The following ASXL2 variants were observed in gnomAD, a reference collection of about 807,000 sequenced individuals.
ASXL2 encodes the protein putative Polycomb group protein ASXL2.
Under a neutral mutation model 122.0 loss-of-function variants are expected in ASXL2, and 23 were observed. That is an observed-to-expected ratio of 0.19 (90% CI 0.14 to 0.27). The LOEUF (loss-of-function observed/expected upper bound fraction) is 0.27, where lower values mean the gene tolerates loss of function less well. Ranked by LOEUF, ASXL2 falls within the 10% of genes least tolerant of loss-of-function variation. The probability of loss-of-function intolerance (pLI) is 1.00; values close to 1 mark genes in which losing one functional copy is unlikely to be tolerated. For synonymous variants in ASXL2, 650 were observed against 637.0 expected (o/e 1.02, Z -0.31); for missense variants, 1,518 against 1,713.8 (o/e 0.89, Z 2.02).
intron 8 of ASXL2, among the ~76,000 whole-genome samples, chr2:25,764,456 C>CA (rs942334509): frequency 6.6e-5 from 10 of 151,730 alleles, no homozygotes; most frequent in East Asian, 1.9e-4. Flanking sequence ...TAAAAATCAC[C>CA]AAAAAAAATC....
At chr2:25,859,781 G>A (rs1036957375) in intron 1 of ASXL2, among the ~76,000 whole-genome samples, 10 of 152,190 alleles carry the variant, frequency 6.6e-5, no homozygotes, top group Non-Finnish European at 1.5e-4. Context: ...TCAGACTACA[G>A]TGGAATTTAA....
At chr2:25,757,674 CAAAAAAAAAAA>C (rs60732948) in intron 9 of ASXL2, among the ~76,000 whole-genome samples, 2 of 35,818 alleles carry the variant, frequency 5.6e-5, no homozygotes, top group African/African-American at 2.5e-4. Context: ...GACTCCATCT[CAAAAAAAAAAA>C]AAAAAAAAAA....
intron 1 of ASXL2, among the ~76,000 whole-genome samples, chr2:25,863,312 G>C (rs982696074): frequency 6.5e-5 from 9 of 138,256 alleles, no homozygotes; most frequent in Non-Finnish European, 1.1e-4. Flanking sequence ...CCTGGCAACA[G>C]AGCGAGACTC....
At chr2:25,783,267 C>T (rs1332207002) in intron 5 of ASXL2, among the ~76,000 whole-genome samples, 1 of 152,074 alleles carries the variant, frequency 6.6e-6, no homozygotes, top group Non-Finnish European at 1.5e-5. Flanking sequence ...TCTATCTCTA[C>T]TGGGTTCAAT....
At chr2:25,858,406 G>A (rs982869061) in intron 1 of ASXL2, among the ~76,000 whole-genome samples, 2 of 149,726 alleles carry the variant, frequency 1.3e-5, no homozygotes, top group African/African-American at 4.9e-5. Flanking sequence ...CATCTCCATT[G>A]TGTCTACATT....
chr2:25,807,795 T>C (rs74496757), intron 3 of ASXL2, among the ~76,000 whole-genome samples: 3,189 of 152,156 alleles, frequency 0.021, 125 homozygotes, highest in African/African-American at 0.07. Flanking sequence ...ATGTTTAGTA[T>C]GAAAAACATG....
intron 2 of ASXL2, among the ~76,000 whole-genome samples, chr2:25,842,074 T>C (rs747665336): frequency 1.4e-5 from 2 of 147,638 alleles, no homozygotes; most frequent in African/African-American, 2.5e-5. Context: ...ATCGCGCCAC[T>C]GCACTCCAGC....
rs1023642350 is a variant in ASXL2 at position 25,741,975 on chromosome 2, A to G, written c.*54T>C. On this transcript the variant is annotated 3_prime_UTR_variant, in exon 13 of 13. Coordinates refer to ENST00000435504, the MANE Select transcript of ASXL2 (RefSeq NM_018263.6). ...ATTCCAAAAGGACGCAAAAAACCCAACTGGTCAACCCTTCCCTTCCCCCTC... is the reference window on the plus strand; with the variant it reads ...ATTCCAAAAGGACGCAAAAAACCCAGCTGGTCAACCCTTCCCTTCCCCCTC... 6 of 1,523,486 alleles carry G rather than the reference A, an allele frequency of 3.9e-6. No individual in the cohort carries two copies. The East Asian group carries it at 6.8e-5, about 17-fold the overall frequency. The allele number at this position is 1,523,486 out of a possible 1,614,324, so 94.4% of individuals were successfully genotyped here.
intron 4 of ASXL2, among the ~76,000 whole-genome samples, chr2:25,804,594 A>G (rs2089052012): frequency 6.6e-6 from 1 of 152,196 alleles, no homozygotes; most frequent in Admixed American, 6.5e-5. Flanking sequence ...AACCCTGATG[A>G]TGTCAACTGA....
rs932174196 is a variant in ASXL2, at chr2:25,767,652, C to A, written c.706G>T (p.Val236Phe). ...CCTAGTAAAGTATTTTCCACTTTAA[C>A]TGAGGAAGAAAAGCTGGAGTTTGAG... ...QNSNSSFSSSVKVENTLLGLG... is the reference protein window; with the variant it reads ...QNSNSSFSSSFKVENTLLGLG... The change falls in exon 8 of 13, where the codon GTT becomes TTT. Residue 236 changes from valine (V) to phenylalanine (F), a missense_variant. By Grantham distance (50) the Val-to-Phe change is conservative. Around this residue, in one of 8 missense-constraint regions of ASXL2, gnomAD observed 198 missense variants for 209.0 expected, o/e 0.95. Coordinates refer to ENST00000435504, the MANE Select transcript of ASXL2 (RefSeq NM_018263.6). 1.2e-6 allele frequency: 2 copies of A among 1,613,912 alleles called. No individual in the cohort carries two copies. The highest frequency in any genetic ancestry group is 3.3e-5 in the Admixed American group (2 of 60,010).
intron 5 of ASXL2, among the ~76,000 whole-genome samples, chr2:25,775,781 AC>A (rs942187641): frequency 2.0e-5 from 3 of 151,934 alleles, no homozygotes; most frequent in Admixed American, 6.6e-5. Flanking sequence ...AACCTAATAC[AC>A]CCTCTCTCAG....
intron 12 of ASXL2, among the ~76,000 whole-genome samples, chr2:25,747,667 T>C (rs1039883752): frequency 2.0e-5 from 3 of 152,210 alleles, no homozygotes; most frequent in Non-Finnish European, 4.4e-5. Flanking sequence ...GCAACATTTA[T>C]AGCAAAACCT....
At chr2:25,869,300 A>C (rs942211623) in intron 1 of ASXL2, among the ~76,000 whole-genome samples, 10 of 152,150 alleles carry the variant, frequency 6.6e-5, no homozygotes, top group African/African-American at 2.4e-4. Flanking sequence ...ACTGTACTCC[A>C]GCCTGGGCAA....
chr2:25,811,420 GA>G (rs1356251588), intron 3 of ASXL2, among the ~76,000 whole-genome samples: 1 of 151,636 alleles, frequency 6.6e-6, no homozygotes, highest in East Asian at 1.9e-4. Flanking sequence ...CAAAACTACA[GA>G]AAATATATGA....
At position 25,737,366 on chromosome 2, in the gene ASXL2, G is replaced by C. The variant is rs183714117; in HGVS notation, c.*4663C>G. On this transcript the variant is annotated 3_prime_UTR_variant, in exon 13 of 13. Transcript: ENST00000435504. ...TATTTCCTTACCATTCTTTGATTTA[G>C]GAGCAAACAATGGGCACATTAATAA... 1 of 151,958 alleles carries C rather than the reference G, an allele frequency of 6.6e-6. No homozygotes were observed. Among genetic ancestry groups the C allele is most frequent in the East Asian group, 1.9e-4 (1 of 5,172 alleles). The allele number at this position is 151,958 out of a possible 1,614,324, so 9.4% of individuals were successfully genotyped here. A position where few individuals can be genotyped will look rare whatever the true frequency, so the allele number is the denominator to read the frequency against.
chr2:25,839,231 G>A (rs72801866), intron 2 of ASXL2, among the ~76,000 whole-genome samples: 3,001 of 152,220 alleles, frequency 0.02, 46 homozygotes, highest in Non-Finnish European at 0.03. Flanking sequence ...ACAGAAATTA[G>A]GTTATATTTT....
chr2:25,774,340 T>C (rs972020061), intron 5 of ASXL2, among the ~76,000 whole-genome samples: 1 of 152,188 alleles, frequency 6.6e-6, no homozygotes, highest in Non-Finnish European at 1.5e-5. Context: ...TATATTTAAA[T>C]TTTTTAAAAA....
In ASXL2 at chr2:25,743,819, G is replaced by C. The variant is rs764223318; in HGVS notation, c.2518C>G (p.Leu840Val). The stretch of plus-strand genomic sequence containing the variant: ...TGAACAGGTGAGGCACCTGAGATTA[G>C]AGCAGGACCTGTTGGAGAAGGTGCT... ...EKAPSPTGPA[L>V]ISGASPVHCA... is the part of the protein sequence containing the mutation. Residue 840 changes from leucine to valine, a missense_variant, in exon 13 of 13, where the codon CTA becomes GTA. Physicochemically the swap from Leu to Val is conservative, Grantham distance 32. Coordinates refer to ENST00000435504, the MANE Select transcript of ASXL2 (RefSeq NM_018263.6). The C allele has an allele frequency of 1.9e-6, 3 of 1,614,040 alleles. No homozygotes were observed. The highest frequency in any genetic ancestry group is 3.3e-5 in the Admixed American group (2 of 60,028).
chr2:25,794,336 T>C (rs889438657), intron 5 of ASXL2, among the ~76,000 whole-genome samples: 6 of 152,176 alleles, frequency 3.9e-5, no homozygotes, highest in Admixed American at 6.5e-5. Flanking sequence ...ATAAAAATAA[T>C]AGTCCTACAG....
Sources: allele counts gnomAD v4.1 joint callset (sites outside exome capture counted in the v4.1 genomes callset), GRCh38; gene constraint gnomAD v4.1.1; regional missense constraint gnomAD v4.1.1; transcripts MANE v1.5; gene names NCBI Gene and HGNC (gene_info 2026-07-23, HGNC 2026-07-21).